The following BCAT1 variants were observed in gnomAD, a reference collection of about 807,000 sequenced individuals.
The protein encoded by BCAT1 is branched chain amino acid transaminase 1.
A neutral mutation model predicts 52.4 loss-of-function variants in BCAT1; 48 were observed. That is an observed-to-expected ratio of 0.92 (90% confidence interval 0.73 to 1.16). The LOEUF is 1.16. Among genes scored for constraint, BCAT1 ranks in the 50% most tolerant of loss-of-function variants. The probability of loss-of-function intolerance (pLI) is 0.00; values close to 1 mark genes in which losing one functional copy is unlikely to be tolerated. For synonymous variants in BCAT1, 167 were observed against 161.3 expected (o/e 1.04, Z -0.27); for missense variants, 451 against 457.1 (o/e 0.99, Z 0.12).
intron 5 of BCAT1, among the ~76,000 whole-genome samples, chr12:24,863,786 C>A: frequency 6.6e-6 from 1 of 152,102 alleles, no homozygotes; most frequent in East Asian, 1.9e-4. Context: ...TAAAAATCAG[C>A]CAGGTGTGAT....
Position 24,817,889 on chromosome 12 carries a change from C to T in BCAT1, c.*119G>A. On this transcript the variant is annotated 3_prime_UTR_variant, in exon 11 of 11. Transcript: ENST00000261192. ...CAATCACTCTTGTAACACATTGATA[C>T]TACAAACTACATTATGCACAGGTAG... The T allele has an allele frequency of 1.9e-6, 2 of 1,036,422 alleles. No homozygotes were observed. The highest frequency in any genetic ancestry group is 2.8e-5 in the South Asian group (2 of 71,006). The allele number at this position is 1,036,422 out of a possible 1,614,324, so 64.2% of individuals were successfully genotyped here. A position where few individuals can be genotyped will look rare whatever the true frequency, so the allele number is the denominator to read the frequency against.
chr12:24,910,157 T>A (rs1246309386), intron 1 of BCAT1, among the ~76,000 whole-genome samples: 2 of 152,084 alleles, frequency 1.3e-5, no homozygotes, highest in Non-Finnish European at 2.9e-5. Flanking sequence ...GCATATCACC[T>A]GAGATCAGGA....
intron 1 of BCAT1, among the ~76,000 whole-genome samples, chr12:24,934,245 C>T (rs1477883855): frequency 1.3e-5 from 2 of 152,250 alleles, no homozygotes; most frequent in African/African-American, 4.8e-5. Context: ...TCCCTTCTCA[C>T]TGTGTCTCCT....
In BCAT1 at chr12:24,849,773, C is replaced by G. The variant is rs772452334; in HGVS notation, c.674+13G>C. ...GGTGTCTTTCCTTTAGACAGAGACA[C>G]AGATTTACTTACCCTCCCATCTTGC... On this transcript the variant is annotated intron_variant, in intron 6 of 10. Transcript: ENST00000261192. The G allele has an allele frequency of 1.2e-6, 2 of 1,600,280 alleles. No individual in the cohort carries two copies. Among genetic ancestry groups the G allele is most frequent in the Non-Finnish European group, 8.5e-7 (1 of 1,170,444 alleles).
intron 3 of BCAT1, among the ~76,000 whole-genome samples, chr12:24,892,052 T>C (rs1192495572): frequency 2.0e-5 from 3 of 149,268 alleles, no homozygotes; most frequent in East Asian, 3.9e-4. Context: ...CCACCTCGCC[T>C]GGCCGTTTTT....
At chr12:24,852,631 GATAGAAAATGGA>G (rs1423958651) in intron 5 of BCAT1, among the ~76,000 whole-genome samples, 1 of 152,126 alleles carries the variant, frequency 6.6e-6, no homozygotes, top group South Asian at 2.1e-4. Context: ...ACAGAGCACA[GATAGAAAATGGA>G]ATAATTCTGT....
chr12:24,888,857 G>T (rs1374133940), intron 3 of BCAT1, among the ~76,000 whole-genome samples: 2 of 152,174 alleles, frequency 1.3e-5, no homozygotes, highest in Non-Finnish European at 2.9e-5. Flanking sequence ...TGCAGACATA[G>T]ATATCCACAG....
chr12:24,902,246 A>G, intron 1 of BCAT1: 3 of 1,344,868 alleles, frequency 2.2e-6, no homozygotes, highest in Non-Finnish European at 2.8e-6. Flanking sequence ...GTGTTAAGCC[A>G]TTTATAGAAA....
At chr12:24,848,468 C>A (rs1941409202) in intron 6 of BCAT1, among the ~76,000 whole-genome samples, 1 of 152,194 alleles carries the variant, frequency 6.6e-6, no homozygotes, top group Non-Finnish European at 1.5e-5. Flanking sequence ...TAAATTACAA[C>A]CTGCCCAAAT....
intron 1 of BCAT1, among the ~76,000 whole-genome samples, chr12:24,909,203 G>C (rs1311754374): frequency 1.3e-5 from 2 of 152,016 alleles, no homozygotes; most frequent in African/African-American, 2.4e-5. Flanking sequence ...ATAAGGCCCA[G>C]TTTGGTTCAG....
intron 7 of BCAT1, among the ~76,000 whole-genome samples, chr12:24,838,514 TAC>T (rs35693867): frequency 0.47 from 70,305 of 150,874 alleles, 16,590 homozygotes; most frequent in East Asian, 0.63. Flanking sequence ...TATATATATG[TAC>T]ACACACACAC....
chr12:24,907,697 C>G (rs1943248377), intron 1 of BCAT1, among the ~76,000 whole-genome samples: 1 of 152,192 alleles, frequency 6.6e-6, no homozygotes, highest in Non-Finnish European at 1.5e-5. Context: ...ATATCCTTCC[C>G]TGCCCTTAAG....
intron 1 of BCAT1, among the ~76,000 whole-genome samples, chr12:24,933,850 G>A (rs1170275269): frequency 2.6e-5 from 4 of 152,116 alleles, no homozygotes; most frequent in East Asian, 1.9e-4. Flanking sequence ...GCTTGAGGAG[G>A]TGGTGTCTGA....
chr12:24,884,378 A>G (rs559887192), intron 3 of BCAT1, among the ~76,000 whole-genome samples: 5 of 152,332 alleles, frequency 3.3e-5, no homozygotes, highest in Non-Finnish European at 7.3e-5. Flanking sequence ...GTCAAAGGGA[A>G]CAAAATTTCA....
In BCAT1 at chr12:24,832,495, A is replaced by G. The variant is rs189402655; in HGVS notation, c.1044+228T>C. 8.4e-3 allele frequency among the ~76,000 whole-genome samples: 1,272 copies of G among 152,206 alleles called. 26 individuals carry two copies. The highest frequency in any genetic ancestry group is 7.7e-3 in the Non-Finnish European group (526 of 68,008). On this transcript the variant is annotated intron_variant, in intron 9 of 10. Coordinates refer to ENST00000261192, the MANE Select transcript of BCAT1 (RefSeq NM_005504.7). Reference sequence around the variant, plus strand: ...TGAAGCAGAAGGATTGCGTGAGCCCAGGAGTTTGAGGCTGCAGTGAGCTAT... The same window carrying G: ...TGAAGCAGAAGGATTGCGTGAGCCCGGGAGTTTGAGGCTGCAGTGAGCTAT...
chr12:24,924,298 AT>A (rs1943547839), intron 1 of BCAT1, among the ~76,000 whole-genome samples: 1 of 152,254 alleles, frequency 6.6e-6, no homozygotes, highest in Admixed American at 6.5e-5. Context: ...CAAGAATGAT[AT>A]AATTAGATCA....
intron 9 of BCAT1, among the ~76,000 whole-genome samples, chr12:24,832,344 G>C (rs1417477741): frequency 6.6e-6 from 1 of 151,248 alleles, no homozygotes; most frequent in African/African-American, 2.4e-5. Flanking sequence ...TGCTAATACA[G>C]TTTCATCTGG....
Sources: gnomAD v4.1 joint callset for allele counts (sites outside exome capture counted in the v4.1 genomes callset) on GRCh38, gnomAD v4.1.1 for gene constraint, MANE v1.5 for transcripts, NCBI Gene and HGNC (gene_info 2026-07-23, HGNC 2026-07-21) for gene names.